GRIN2B: variants seen among roughly 807,000 people sequenced by gnomAD.
GRIN2B encodes the protein glutamate ionotropic receptor NMDA type subunit 2B, also known as glutamate receptor ionotropic, NMDA 2B.
In GRIN2B, 5 loss-of-function variants were observed where a neutral mutation model predicts 114.5. The observed-to-expected ratio is 0.04, with a 90% confidence interval of 0.02 to 0.09. GRIN2B has a LOEUF of 0.09. Ranked by LOEUF, GRIN2B falls within the 10% of genes least tolerant of loss-of-function variation. The pLI is 1.00. For missense variants in GRIN2B, 1,108 were observed against 1,943.5 expected (o/e 0.57, Z 8.08); for synonymous variants, 787 against 745.1 (o/e 1.06, Z -0.92).
chr12:13,565,121 C>G (rs1460311683), intron 13 of GRIN2B, among the ~76,000 whole-genome samples: 1 of 152,220 alleles, frequency 6.6e-6, no homozygotes, highest in African/African-American at 2.4e-5. Flanking sequence ...CACAGGGGAG[C>G]TCAGTAGCTT....
At chr12:13,583,042 A>G (rs1948873189) in intron 10 of GRIN2B, among the ~76,000 whole-genome samples, 1 of 152,190 alleles carries the variant, frequency 6.6e-6, no homozygotes, top group African/African-American at 2.4e-5. Flanking sequence ...GTTTATTCCT[A>G]TATTAACTAT....
chr12:13,735,861 A>C (rs913307354), intron 4 of GRIN2B, among the ~76,000 whole-genome samples: 2 of 151,534 alleles, frequency 1.3e-5, no homozygotes, highest in Admixed American at 6.6e-5. Context: ...GAGAAGTAGG[A>C]TCCTTTCCCA....
At chr12:13,591,217 C>T (rs901898421) in intron 10 of GRIN2B, among the ~76,000 whole-genome samples, 1 of 152,158 alleles carries the variant, frequency 6.6e-6, no homozygotes, top group Non-Finnish European at 1.5e-5. Flanking sequence ...GTGCCTGGGG[C>T]AAGCAGGGTG....
chr12:13,697,912 A>G (rs1350698350), intron 4 of GRIN2B, among the ~76,000 whole-genome samples: 1 of 152,220 alleles, frequency 6.6e-6, no homozygotes, highest in East Asian at 1.9e-4. Context: ...TGACACTGCA[A>G]CTTGCACCAA....
intron 4 of GRIN2B, among the ~76,000 whole-genome samples, chr12:13,736,836 A>G (rs1863192134): frequency 6.6e-6 from 1 of 152,034 alleles, no homozygotes; most frequent in East Asian, 1.9e-4. Context: ...CCTGGCTAAC[A>G]TGGTGAAACC....
chr12:13,724,197 T>C (rs1204038334), intron 4 of GRIN2B, among the ~76,000 whole-genome samples: 3 of 152,142 alleles, frequency 2.0e-5, no homozygotes, highest in Non-Finnish European at 4.4e-5. Flanking sequence ...CTGTAGTCCC[T>C]ACAGGCCAAT....
chr12:13,864,351 A>G (rs1034689584), intron 3 of GRIN2B, among the ~76,000 whole-genome samples: 1 of 151,884 alleles, frequency 6.6e-6, no homozygotes, highest in African/African-American at 2.4e-5. Context: ...CTAGCCAGGC[A>G]GCATGCTTGT....
chr12:13,944,868 G>A (rs1272795209), intron 2 of GRIN2B, among the ~76,000 whole-genome samples: 3 of 152,140 alleles, frequency 2.0e-5, no homozygotes, highest in Non-Finnish European at 2.9e-5. Context: ...AAGAAATGTG[G>A]AAGTTCCCAG....
intron 2 of GRIN2B, among the ~76,000 whole-genome samples, chr12:13,956,085 AC>A (rs1476133864): frequency 5.3e-5 from 8 of 152,288 alleles, no homozygotes; most frequent in Admixed American, 5.2e-4. Context: ...TACTTGCAGA[AC>A]TTTGACAGTG....
Position 13,562,336 on chromosome 12 carries a change from C to T in GRIN2B, c.*447G>A, listed in dbSNP as rs113686798. The T allele has an allele frequency of 5.1e-6, 1 of 194,380 alleles. No homozygotes were observed. The allele number at this position is 194,380 out of a possible 1,614,324, so 12.0% of individuals were successfully genotyped here. A position where few individuals can be genotyped will look rare whatever the true frequency, so the allele number is the denominator to read the frequency against. Reference sequence around the variant, plus strand: ...ACAAGCAGTGTGCTAAATGGTCTCACATAGATGCTTTTGCTTCCTCACCTA... The same window carrying T: ...ACAAGCAGTGTGCTAAATGGTCTCATATAGATGCTTTTGCTTCCTCACCTA... On this transcript the variant is annotated 3_prime_UTR_variant, in exon 14 of 14. Coordinates refer to ENST00000609686, the MANE Select transcript of GRIN2B (RefSeq NM_000834.5).
chr12:13,921,156 G>T (rs576556670), intron 2 of GRIN2B, among the ~76,000 whole-genome samples: 1 of 152,242 alleles, frequency 6.6e-6, no homozygotes, highest in East Asian at 1.9e-4. Flanking sequence ...CAGCACTTTG[G>T]GAGGCCAAGG....
intron 5 of GRIN2B, among the ~76,000 whole-genome samples, chr12:13,626,003 T>C (rs141767760): frequency 1.3e-5 from 2 of 152,292 alleles, no homozygotes; most frequent in African/African-American, 4.8e-5. Context: ...ATCTAATGCC[T>C]CTTGGCTCAA....
chr12:13,690,709 C>A (rs1228645702), intron 4 of GRIN2B, among the ~76,000 whole-genome samples: 2 of 151,934 alleles, frequency 1.3e-5, no homozygotes, highest in East Asian at 1.9e-4. Flanking sequence ...AATTAATGAT[C>A]GGTAGAGAAA....
chr12:13,608,162 G>A (rs960270678), intron 10 of GRIN2B, among the ~76,000 whole-genome samples: 1 of 152,168 alleles, frequency 6.6e-6, no homozygotes, highest in Non-Finnish European at 1.5e-5. Context: ...CCAGAAACAC[G>A]AGTGTGCACC....
chr12:13,681,659 T>C (rs1301809796), intron 4 of GRIN2B, among the ~76,000 whole-genome samples: 1 of 152,188 alleles, frequency 6.6e-6, no homozygotes, highest in East Asian at 1.9e-4. Flanking sequence ...CTTTGACCTG[T>C]TGTTTATCTC....
At chr12:13,705,165 A>T (rs2136573132) in intron 4 of GRIN2B, among the ~76,000 whole-genome samples, 1 of 152,254 alleles carries the variant, frequency 6.6e-6, no homozygotes, top group Non-Finnish European at 1.5e-5. Flanking sequence ...GGTATTTAAC[A>T]AAAGTTGAAT....
intron 2 of GRIN2B, among the ~76,000 whole-genome samples, chr12:13,960,383 T>C (rs1591642180): frequency 6.6e-6 from 1 of 152,328 alleles, no homozygotes; most frequent in East Asian, 1.9e-4. Context: ...GATGTAATTT[T>C]TCAAAGTTTC....
chr12:13,628,725 A>G (rs941223754), intron 5 of GRIN2B, among the ~76,000 whole-genome samples: 1 of 152,242 alleles, frequency 6.6e-6, no homozygotes, highest in East Asian at 1.9e-4. Context: ...TATCAGAAAG[A>G]AAGTAATGAG....
intron 2 of GRIN2B, among the ~76,000 whole-genome samples, chr12:13,926,357 T>C (rs1295549767): frequency 6.6e-6 from 1 of 152,172 alleles, no homozygotes; most frequent in East Asian, 1.9e-4. Context: ...TATCGACCCT[T>C]GCCTGGTGTG....
Sources: allele counts gnomAD v4.1 joint callset (sites outside exome capture counted in the v4.1 genomes callset), GRCh38; gene constraint gnomAD v4.1.1; transcripts MANE v1.5; gene names NCBI Gene and HGNC (gene_info 2026-07-23, HGNC 2026-07-21).